PCDH15: variants seen among roughly 807,000 people sequenced by gnomAD.
The protein encoded by PCDH15 is protocadherin-15.
PCDH15 carries 129 observed loss-of-function variants against 178.5 expected under a neutral mutation model. The ratio of observed to expected loss-of-function variants is 0.72; its 90% CI spans 0.63 to 0.84. PCDH15 has a LOEUF of 0.84. Among genes scored for constraint, PCDH15 ranks in the 40% least tolerant of loss-of-function variants. PCDH15 has a pLI of 0.00. For synonymous variants in PCDH15, 800 were observed against 732.0 expected (o/e 1.09, Z -1.50); for missense variants, 2,230 against 2,099.9 (o/e 1.06, Z -1.21).
intron 1 of PCDH15, among the ~76,000 whole-genome samples, chr10:54,740,923 A>C (rs981671953): frequency 1.3e-5 from 2 of 151,964 alleles, no homozygotes; most frequent in African/African-American, 4.8e-5. Context: ...AAAAATATAT[A>C]TAGATAGAAG....
intron 2 of PCDH15, among the ~76,000 whole-genome samples, chr10:54,902,776 A>G (rs1954658512): frequency 6.6e-6 from 1 of 152,084 alleles, no homozygotes; most frequent in African/African-American, 2.4e-5. Flanking sequence ...AATTCATGGA[A>G]TGTTTGTACC....
chr10:54,919,068 A>G (rs961800902), intron 2 of PCDH15, among the ~76,000 whole-genome samples: 3 of 152,164 alleles, frequency 2.0e-5, no homozygotes, highest in African/African-American at 4.8e-5. Context: ...TCACCATCGT[A>G]AAGTAAAAAA....
intron 3 of PCDH15, 116 bp downstream of exon 3, chr10:54,527,696 C>A (rs2083486194): frequency 4.5e-6 from 3 of 671,722 alleles, no homozygotes; most frequent in Non-Finnish European, 7.2e-6. Flanking sequence ...GGGGAATTAT[C>A]CATGGATTTG....
intron 8 of PCDH15, among the ~76,000 whole-genome samples, chr10:54,312,544 T>C (rs2060974446): frequency 6.6e-6 from 1 of 152,062 alleles, no homozygotes; most frequent in Non-Finnish European, 1.5e-5. Flanking sequence ...AATTTCTGCC[T>C]AATTCTCTTG....
At chr10:55,333,984 T>A (rs1289041374) in intron 2 of PCDH15, among the ~76,000 whole-genome samples, 1 of 151,664 alleles carries the variant, frequency 6.6e-6, no homozygotes, top group East Asian at 1.9e-4. Flanking sequence ...TAAATGCTGA[T>A]ATTTATATGT....
chr10:54,873,721 T>C (rs1334943633), intron 3 of PCDH15, among the ~76,000 whole-genome samples: 2 of 145,396 alleles, frequency 1.4e-5, no homozygotes, highest in East Asian at 2.0e-4. Context: ...ATATATAATA[T>C]ATGTGTATGT....
intron 26 of PCDH15, among the ~76,000 whole-genome samples, chr10:53,882,820 T>C (rs542802622): frequency 6.6e-6 from 1 of 152,324 alleles, no homozygotes; most frequent in East Asian, 1.9e-4. Flanking sequence ...ATTATTAATG[T>C]TCTGTATTAT....
intron 2 of PCDH15, among the ~76,000 whole-genome samples, chr10:55,153,943 T>G (rs1838808072): frequency 6.6e-6 from 1 of 152,170 alleles, no homozygotes; most frequent in Admixed American, 6.6e-5. Context: ...CATTTAAACA[T>G]TTACAAATTG....
intron 2 of PCDH15, among the ~76,000 whole-genome samples, chr10:55,156,711 T>C (rs533993873): frequency 6.6e-6 from 1 of 152,234 alleles, no homozygotes; most frequent in Admixed American, 6.6e-5. Context: ...ATGGGTAAGA[T>C]GATAATGACC....
chr10:55,295,559 G>T (rs1343748778), intron 1 of PCDH15, among the ~76,000 whole-genome samples: 4 of 152,142 alleles, frequency 2.6e-5, no homozygotes, highest in African/African-American at 9.7e-5. Flanking sequence ...TTTGTATTAG[G>T]TAATGAAAAA....
chr10:54,396,788 A>C (rs1186005835), intron 3 of PCDH15, among the ~76,000 whole-genome samples: 1 of 151,706 alleles, frequency 6.6e-6, no homozygotes, highest in East Asian at 1.9e-4. Context: ...GGAAATACTT[A>C]GGCATAATAA....
chr10:54,318,784 C>T (rs1360507806), intron 7 of PCDH15, among the ~76,000 whole-genome samples: 1 of 152,148 alleles, frequency 6.6e-6, no homozygotes, highest in Non-Finnish European at 1.5e-5. Context: ...AACCACAAGT[C>T]AACTGCTATT....
In PCDH15 at chr10:54,408,470, T is replaced by C. The variant is rs1177305978; in HGVS notation, c.158-29528A>G. Among the ~76,000 whole-genome samples the C allele has an allele frequency of 4.2e-5, 6 of 142,388 alleles. No homozygotes were observed. The East Asian group carries it at 1.2e-3, about 28-fold the overall frequency. 93.4% of individuals were successfully genotyped at this position (142,388 alleles called of 152,430 possible). ...TATAATATTTATCAGTCCAAAGTGA[T>C]TTGAAAAGAAAATCTATTAACATGT... On this transcript the variant is annotated intron_variant, in intron 3 of 37. Transcript: ENST00000644397.
At chr10:54,750,020 C>T (rs1381215772) in intron 1 of PCDH15, among the ~76,000 whole-genome samples, 2 of 151,666 alleles carry the variant, frequency 1.3e-5, no homozygotes, top group African/African-American at 4.8e-5. Flanking sequence ...TTACTACTCT[C>T]ATTAGCAATA....
intron 21 of PCDH15, among the ~76,000 whole-genome samples, chr10:53,992,935 A>G (rs1335090939): frequency 6.6e-6 from 1 of 152,222 alleles, no homozygotes; most frequent in Non-Finnish European, 1.5e-5. Flanking sequence ...ATTCAACAAT[A>G]GTGCTCTCTC....
chr10:54,920,958 C>T (rs910746036), intron 2 of PCDH15, among the ~76,000 whole-genome samples: 1 of 152,142 alleles, frequency 6.6e-6, no homozygotes, highest in East Asian at 1.9e-4. Flanking sequence ...AAAAAAGTGC[C>T]TTAAAATCAT....
intron 2 of PCDH15, among the ~76,000 whole-genome samples, chr10:55,143,437 G>A (rs184545421): frequency 6.6e-6 from 1 of 152,118 alleles, no homozygotes; most frequent in Non-Finnish European, 1.5e-5. Flanking sequence ...TCTGGTCACT[G>A]GACTTTTTTC....
chr10:54,678,543 C>A (rs2094834450), intron 1 of PCDH15, among the ~76,000 whole-genome samples: 3 of 151,922 alleles, frequency 2.0e-5, no homozygotes, highest in Admixed American at 2.0e-4. Flanking sequence ...CATATTACTG[C>A]TAAATTCAAA....
intron 3 of PCDH15, among the ~76,000 whole-genome samples, chr10:54,894,204 A>G (rs1475190513): frequency 3.3e-5 from 5 of 152,130 alleles, no homozygotes; most frequent in African/African-American, 1.2e-4. Flanking sequence ...ATGTATTGTC[A>G]ATGGACAACA....
Sources: allele counts gnomAD v4.1 joint callset (sites outside exome capture counted in the v4.1 genomes callset), GRCh38; gene constraint gnomAD v4.1.1; transcripts MANE v1.5; gene names NCBI Gene and HGNC (gene_info 2026-07-23, HGNC 2026-07-21).